The following JPH1 variants were observed in gnomAD, a reference collection of about 807,000 sequenced individuals.
The protein encoded by JPH1 is junctophilin-1.
Under a neutral mutation model 53.6 loss-of-function variants are expected in JPH1, and 12 were observed. The observed-to-expected ratio is 0.22, with a 90% CI of 0.14 to 0.36. The LOEUF (loss-of-function observed/expected upper bound fraction) is 0.36. Ranked by LOEUF, JPH1 falls within the 10% of genes least tolerant of loss-of-function variation. The pLI is 1.00. For missense variants in JPH1, 808 were observed against 905.5 expected, an observed-to-expected ratio of 0.89 and a Z score of 1.38; for synonymous variants, 375 against 363.8, an observed-to-expected ratio of 1.03 and a Z score of -0.35.
intron 2 of JPH1, among the ~76,000 whole-genome samples, chr8:74,277,796 C>A (rs1806891058): frequency 6.6e-6 from 1 of 152,038 alleles, no homozygotes; most frequent in South Asian, 2.1e-4. Flanking sequence ...CAATGGCATG[C>A]AGAGAATATT....
chr8:74,262,752 A>ACAC (rs569110948), intron 2 of JPH1, among the ~76,000 whole-genome samples: 10 of 152,320 alleles, frequency 6.6e-5, no homozygotes, highest in Admixed American at 6.5e-4. Context: ...ATGGGTGAAG[A>ACAC]CACCACAGCC....
At chr8:74,283,684 C>T (rs1164111624) in intron 2 of JPH1, among the ~76,000 whole-genome samples, 2 of 152,194 alleles carry the variant, frequency 1.3e-5, no homozygotes, top group African/African-American at 4.8e-5. Context: ...TCATCAGTTT[C>T]AGAAACTTCT....
chr8:74,313,085 T>C (rs145995082), intron 2 of JPH1, among the ~76,000 whole-genome samples: 335 of 152,280 alleles, frequency 2.2e-3, no homozygotes, highest in African/African-American at 7.6e-3. Flanking sequence ...CAATGGAAAC[T>C]AATGATAAGT....
At chr8:74,309,346 T>TATA (rs1807925012) in intron 2 of JPH1, among the ~76,000 whole-genome samples, 1 of 152,228 alleles carries the variant, frequency 6.6e-6, no homozygotes, top group South Asian at 2.1e-4. Flanking sequence ...ATCTGCCTGA[T>TATA]ATAACAAAGT....
intron 4 of JPH1, among the ~76,000 whole-genome samples, chr8:74,239,124 A>G (rs1388381552): frequency 6.6e-6 from 1 of 152,202 alleles, no homozygotes. Context: ...AGTAAATGGG[A>G]GGAAAATAAA....
chr8:74,239,032 G>A (rs1287771722), intron 4 of JPH1, among the ~76,000 whole-genome samples: 1 of 152,162 alleles, frequency 6.6e-6, no homozygotes, highest in Non-Finnish European at 1.5e-5. Flanking sequence ...TGAGTAAAAT[G>A]GGGGAGGGAG....
At chr8:74,309,849 A>T (rs1014416415) in intron 2 of JPH1, among the ~76,000 whole-genome samples, 1 of 152,152 alleles carries the variant, frequency 6.6e-6, no homozygotes, top group African/African-American at 2.4e-5. Flanking sequence ...CTTGGACCAG[A>T]TATTCTCTCT....
intron 2 of JPH1, among the ~76,000 whole-genome samples, chr8:74,282,555 G>A (rs183431793): frequency 5.8e-4 from 88 of 152,248 alleles, no homozygotes; most frequent in Non-Finnish European, 1.0e-3. Flanking sequence ...AATAAGCCAA[G>A]CACAGAAAGG....
At chr8:74,310,579 C>T (rs540739371) in intron 2 of JPH1, among the ~76,000 whole-genome samples, 2 of 152,112 alleles carry the variant, frequency 1.3e-5, no homozygotes, top group Non-Finnish European at 2.9e-5. Flanking sequence ...CGGAATTATA[C>T]AGGGGCCCAT....
Position 74,244,845 on chromosome 8 carries a change from G to C in JPH1, c.1589C>G (p.Ser530Cys). 6.2e-7 allele frequency: 1 copy of C among 1,614,158 alleles called. No homozygotes were observed. Among genetic ancestry groups the C allele is most frequent in the Non-Finnish European group, 8.5e-7 (1 of 1,180,026 alleles). ...TKEAGAVVPQSKYSGRHHIPN... is the reference protein window; with the variant it reads ...TKEAGAVVPQCKYSGRHHIPN... ...GATGTGGTGGCGGCCAGAGTACTTGGACTGGGGCACAACCGCTCCTGCCTC... is the reference window on the plus strand; with the variant it reads ...GATGTGGTGGCGGCCAGAGTACTTGCACTGGGGCACAACCGCTCCTGCCTC... Residue 530 changes from serine (S) to cysteine (C), a missense_variant, in exon 4 of 6, where the codon TCC becomes TGC. By Grantham distance (112) the Ser-to-Cys change is moderately radical (BLOSUM62 -1). Around this residue, in one of 2 missense-constraint regions of JPH1, gnomAD observed 756 missense variants for 811.9 expected, o/e 0.93. Transcript: ENST00000342232.
At chr8:74,319,727 C>G (rs1808260874) in intron 1 of JPH1, among the ~76,000 whole-genome samples, 1 of 152,178 alleles carries the variant, frequency 6.6e-6, no homozygotes, top group South Asian at 2.1e-4. Context: ...CTTTTAATTG[C>G]ATCCCTTTAA....
At chr8:74,289,358 G>A (rs773796028) in intron 2 of JPH1, among the ~76,000 whole-genome samples, 2 of 152,180 alleles carry the variant, frequency 1.3e-5, no homozygotes, top group African/African-American at 2.4e-5. Flanking sequence ...CCACCTTAGC[G>A]AGAACAGACG....
intron 2 of JPH1, among the ~76,000 whole-genome samples, chr8:74,313,749 T>G (rs1808060924): frequency 6.6e-6 from 1 of 152,198 alleles, no homozygotes; most frequent in South Asian, 2.1e-4. Flanking sequence ...CGTTTACTTC[T>G]GTGGAAGAGT....
rs528851738 is a variant in JPH1 at position 74,321,450 on chromosome 8, T to C, written c.-163A>G. The C allele has an allele frequency of 0.013, 8,043 of 613,658 alleles. 83 individuals are homozygous for C. The highest frequency in any genetic ancestry group is 0.029 in the Middle Eastern group (63 of 2,206). 38.0% of individuals were successfully genotyped at this position (613,658 alleles called of 1,614,324 possible). ...CTCCAGTCCGACGCCGCCCCCGTCC[T>C]CCCTCCTCTTTTGCCGCCGCCACCG... On this transcript the variant is annotated 5_prime_UTR_variant, in exon 1 of 6. Coordinates refer to ENST00000342232, the MANE Select transcript of JPH1 (RefSeq NM_020647.4). This position sits in a 1 kb window ranked among gnomAD's most constrained non-coding sequence, Gnocchi z 4.3.
chr8:74,255,452 AC>A (rs1210305724), intron 3 of JPH1, among the ~76,000 whole-genome samples: 1 of 152,038 alleles, frequency 6.6e-6, no homozygotes, highest in Non-Finnish European at 1.5e-5. Context: ...CTAGAAGAAA[AC>A]CTAGGCAATA....
At chr8:74,244,398 GC>G (rs938566574) in intron 4 of JPH1, 130 bp downstream of exon 4, 16 of 955,728 alleles carry the variant, frequency 1.7e-5, no homozygotes, top group South Asian at 3.3e-5. Context: ...GTTATGTGCT[GC>G]TCTAAACAAC....
intron 3 of JPH1, among the ~76,000 whole-genome samples, chr8:74,250,039 A>C (rs918959187): frequency 6.6e-6 from 1 of 152,306 alleles, no homozygotes; most frequent in Admixed American, 6.5e-5. Context: ...TCTTTAACTC[A>C]TGCTCAGCCC....
chr8:74,301,873 G>A (rs1807692320), intron 2 of JPH1, among the ~76,000 whole-genome samples: 1 of 152,206 alleles, frequency 6.6e-6, no homozygotes, highest in Admixed American at 6.5e-5. Flanking sequence ...TGAAGTCTAT[G>A]ACTAAATAAT....
At chr8:74,260,195 A>G (rs980881357) in intron 2 of JPH1, among the ~76,000 whole-genome samples, 18 of 152,160 alleles carry the variant, frequency 1.2e-4, no homozygotes, top group African/African-American at 3.9e-4. Flanking sequence ...TTCTTGTATG[A>G]ACCAAAAAGG....
Sources: gnomAD v4.1 joint callset for allele counts (sites outside exome capture counted in the v4.1 genomes callset) on GRCh38, gnomAD v4.1.1 for gene constraint, gnomAD v4.1.1 regional missense constraint, Gnocchi (gnomAD v3.1) non-coding constraint, MANE v1.5 for transcripts, NCBI Gene and HGNC (gene_info 2026-07-23, HGNC 2026-07-21) for gene names.